ANKS1B: variants seen among roughly 807,000 people sequenced by gnomAD.
ANKS1B encodes ankyrin repeat and sterile alpha motif domain-containing protein 1B.
ANKS1B carries 36 observed loss-of-function variants against 148.3 expected under a neutral mutation model. That is an observed-to-expected ratio of 0.24 (90% confidence interval 0.19 to 0.32). The LOEUF (loss-of-function observed/expected upper bound fraction) is 0.32, where lower values mean the gene tolerates loss of function less well. Ranked by LOEUF, ANKS1B falls within the 10% of genes least tolerant of loss-of-function variation. The pLI is 1.00. For missense variants in ANKS1B, 1,157 were observed against 1,542.6 expected, an observed-to-expected ratio of 0.75 and a Z score of 4.19; for synonymous variants, 542 against 560.8, an observed-to-expected ratio of 0.97 and a Z score of 0.47.
At position 99,427,295 on chromosome 12, in the gene ANKS1B, G is replaced by A. The variant is rs117599403; in HGVS notation, c.1575+16378C>T. ...ACCTCATTGGCTCTCTGTCTTCTCT[G>A]GTTTCATCTCACAGCACTTTGCCCT... is the stretch of plus-strand genomic sequence containing the variant. On this transcript the variant is annotated intron_variant, in intron 11 of 26. Coordinates refer to ENST00000683438, the MANE Select transcript of ANKS1B (RefSeq NM_001352186.2). 2.8e-3 allele frequency among the ~76,000 whole-genome samples: 422 copies of A among 152,222 alleles called. 13 individuals carry two copies. The South Asian group carries it at 0.04, about 14-fold the overall frequency.
intron 9 of ANKS1B, among the ~76,000 whole-genome samples, chr12:99,599,217 C>T (rs940776473): frequency 1.3e-5 from 2 of 151,836 alleles, no homozygotes; most frequent in African/African-American, 4.8e-5. Context: ...TTACTGGTAC[C>T]AAGAATTACA....
intron 12 of ANKS1B, among the ~76,000 whole-genome samples, chr12:99,296,035 T>G (rs1327226577): frequency 6.6e-6 from 1 of 152,174 alleles, no homozygotes; most frequent in Admixed American, 6.6e-5. Flanking sequence ...TATAGATGAG[T>G]GCTTTTATCC....
At chr12:99,398,535 C>T (rs187250153) in intron 12 of ANKS1B, among the ~76,000 whole-genome samples, 2 of 152,182 alleles carry the variant, frequency 1.3e-5, no homozygotes, top group East Asian at 3.9e-4. Flanking sequence ...TGAAAGTTGA[C>T]CATATGAATT....
intron 12 of ANKS1B, among the ~76,000 whole-genome samples, chr12:99,395,922 C>G (rs1267977922): frequency 6.6e-6 from 1 of 152,064 alleles, no homozygotes; most frequent in Non-Finnish European, 1.5e-5. Context: ...GTAGATTAAT[C>G]AGTAAATTTA....
chr12:99,876,708 C>T (rs1001158410), intron 1 of ANKS1B, among the ~76,000 whole-genome samples: 10 of 139,488 alleles, frequency 7.2e-5, no homozygotes, highest in Non-Finnish European at 1.2e-4. Context: ...CCAGACTGGG[C>T]GACAGAGTGA....
chr12:99,831,307 A>G (rs1415700209), intron 1 of ANKS1B, among the ~76,000 whole-genome samples: 1 of 152,008 alleles, frequency 6.6e-6, no homozygotes, highest in Non-Finnish European at 1.5e-5. Flanking sequence ...ATATTCAGTA[A>G]TGGTTAGCAT....
At chr12:99,366,828 T>C (rs2092796404) in intron 12 of ANKS1B, among the ~76,000 whole-genome samples, 1 of 151,910 alleles carries the variant, frequency 6.6e-6, no homozygotes, top group African/African-American at 2.4e-5. Flanking sequence ...ATGGAAAAGA[T>C]TGAGAAATTC....
chr12:99,614,861 C>T (rs2097938041), intron 9 of ANKS1B, among the ~76,000 whole-genome samples: 1 of 148,900 alleles, frequency 6.7e-6, no homozygotes, highest in African/African-American at 2.5e-5. Context: ...GAAAATATTC[C>T]TTTCGGTTCT....
intron 17 of ANKS1B, among the ~76,000 whole-genome samples, chr12:98,886,100 T>C (rs182096980): frequency 2.0e-5 from 3 of 152,076 alleles, no homozygotes; most frequent in African/African-American, 7.2e-5. Context: ...TCACAGCATA[T>C]AGGAACTAAA....
intron 17 of ANKS1B, among the ~76,000 whole-genome samples, chr12:99,008,813 A>G (rs1313593002): frequency 1.3e-5 from 2 of 152,224 alleles, no homozygotes; most frequent in African/African-American, 4.8e-5. Flanking sequence ...TGGAGGATAC[A>G]CTTGCTGTGT....
chr12:99,881,781 C>T (rs1357260504), intron 1 of ANKS1B, among the ~76,000 whole-genome samples: 1 of 152,222 alleles, frequency 6.6e-6, no homozygotes, highest in Non-Finnish European at 1.5e-5. Flanking sequence ...TCAGACCTTA[C>T]AACCTGAATT....
At chr12:99,219,009 A>C (rs1304722971) in intron 14 of ANKS1B, among the ~76,000 whole-genome samples, 1 of 152,218 alleles carries the variant, frequency 6.6e-6, no homozygotes, top group African/African-American at 2.4e-5. Flanking sequence ...ATTCAGCTTG[A>C]TTGACACAAA....
At chr12:98,961,129 C>G (rs1417345455) in intron 17 of ANKS1B, among the ~76,000 whole-genome samples, 1 of 152,050 alleles carries the variant, frequency 6.6e-6, no homozygotes, top group Non-Finnish European at 1.5e-5. Context: ...CTTAACAAAC[C>G]TAGAGAAAGG....
At chr12:99,029,659 C>T (rs892684989) in intron 17 of ANKS1B, among the ~76,000 whole-genome samples, 2 of 152,182 alleles carry the variant, frequency 1.3e-5, no homozygotes, top group Admixed American at 6.5e-5. Flanking sequence ...ATATTCTTAA[C>T]AATGTTTGGC....
At chr12:99,448,883 C>A (rs2095681375) in intron 10 of ANKS1B, among the ~76,000 whole-genome samples, 1 of 151,960 alleles carries the variant, frequency 6.6e-6, no homozygotes, top group South Asian at 2.1e-4. Context: ...CCAATATTGC[C>A]TTCCCATTCT....
intron 17 of ANKS1B, among the ~76,000 whole-genome samples, chr12:99,051,090 C>G (rs984846829): frequency 6.6e-6 from 1 of 152,144 alleles, no homozygotes; most frequent in Non-Finnish European, 1.5e-5. Context: ...AGCCAGGGGC[C>G]GTGATCCCCA....
chr12:99,194,923 T>G (rs1487174701), intron 14 of ANKS1B, among the ~76,000 whole-genome samples: 1 of 152,142 alleles, frequency 6.6e-6, no homozygotes, highest in Non-Finnish European at 1.5e-5. Flanking sequence ...ACATGGATGT[T>G]CATAACACCA....
At chr12:99,389,978 G>A (rs1220857532) in intron 12 of ANKS1B, among the ~76,000 whole-genome samples, 1 of 152,164 alleles carries the variant, frequency 6.6e-6, no homozygotes, top group Non-Finnish European at 1.5e-5. Flanking sequence ...CTCATCAGCA[G>A]GTTGACCTGC....
chr12:99,845,941 C>T (rs1477168346), intron 1 of ANKS1B, among the ~76,000 whole-genome samples: 1 of 152,018 alleles, frequency 6.6e-6, no homozygotes, highest in African/African-American at 2.4e-5. Context: ...AAGAATGGCA[C>T]ATCATCTTTA....
Sources: allele counts gnomAD v4.1 joint callset (sites outside exome capture counted in the v4.1 genomes callset), GRCh38; gene constraint gnomAD v4.1.1; transcripts MANE v1.5; gene names NCBI Gene and HGNC (gene_info 2026-07-23, HGNC 2026-07-21).